KPNA5: variants seen among roughly 807,000 people sequenced by gnomAD.
KPNA5 encodes importin subunit alpha-6.
A neutral mutation model predicts 71.3 loss-of-function variants in KPNA5; 46 were observed. That is an observed-to-expected ratio of 0.65 (90% confidence interval 0.51 to 0.83). KPNA5 has a LOEUF of 0.83. Ranked by LOEUF, KPNA5 falls within the 40% of genes least tolerant of loss-of-function variation. The pLI is 0.00. For missense variants in KPNA5, 547 were observed against 628.3 expected (o/e 0.87, Z 1.38); for synonymous variants, 207 against 201.4 (o/e 1.03, Z -0.24).
chr6:116,713,830 A>C (rs1247506992), intron 7 of KPNA5, among the ~76,000 whole-genome samples: 2 of 152,108 alleles, frequency 1.3e-5, no homozygotes, highest in Non-Finnish European at 2.9e-5. Context: ...CCTATAGTGA[A>C]ATTTTAATTT....
intron 1 of KPNA5, among the ~76,000 whole-genome samples, chr6:116,684,064 C>T (rs902668820): frequency 3.3e-5 from 5 of 151,834 alleles, no homozygotes; most frequent in African/African-American, 9.7e-5. Flanking sequence ...AGGCTTCTAC[C>T]AGCATGCCCA....
Position 116,710,322 on chromosome 6 carries a change from T to C in KPNA5, c.656+5162T>C, listed in dbSNP as rs538824547. ...ATTTTTTCTTTTGTAACTTTTGTTT[T>C]GATGTCTTTGTCTTTGGTATCAGGG... is the stretch of plus-strand genomic sequence containing the variant. On this transcript the variant is annotated intron_variant, in intron 7 of 13. Transcript: ENST00000368564. Among the ~76,000 whole-genome samples the C allele has an allele frequency of 2.0e-5, 3 of 152,304 alleles. No individual in the cohort carries two copies. In the East Asian group the frequency reaches 5.8e-4, roughly 29 times the overall value.
chr6:116,682,289 T>G (rs890483259), intron 1 of KPNA5, among the ~76,000 whole-genome samples: 1 of 152,042 alleles, frequency 6.6e-6, no homozygotes, highest in African/African-American at 2.4e-5. Flanking sequence ...AGAGCGCCAT[T>G]GCACTCCAGC....
rs142690628 is a variant in KPNA5 at position 116,695,391 on chromosome 6, G to T, written c.340+2999G>T. On this transcript the variant is annotated intron_variant, in intron 4 of 13. Transcript: ENST00000368564. The stretch of plus-strand genomic sequence containing the variant: ...GACCAATTTTATATTGAGTTAATAA[G>T]AATTCATTTAAATAAAAATTTAAAT... Among the ~76,000 whole-genome samples, 466 of 151,906 alleles carry T rather than the reference G, an allele frequency of 3.1e-3. 4 individuals are homozygous for T. Among genetic ancestry groups the T allele is most frequent in the African/African-American group, 0.011 (447 of 41,454 alleles).
intron 8 of KPNA5, among the ~76,000 whole-genome samples, chr6:116,718,747 A>C (rs1365652233): frequency 6.6e-6 from 1 of 150,814 alleles, no homozygotes; most frequent in African/African-American, 2.4e-5. Flanking sequence ...TTAATCATTC[A>C]CTTTTTTTGA....
At chr6:116,698,137 A>T (rs889319906) in intron 4 of KPNA5, among the ~76,000 whole-genome samples, 2 of 152,026 alleles carry the variant, frequency 1.3e-5, no homozygotes, top group African/African-American at 4.8e-5. Context: ...CCAGTACCTG[A>T]AATGTCTTTG....
At chr6:116,713,554 C>A (rs1778781201) in intron 7 of KPNA5, among the ~76,000 whole-genome samples, 1 of 152,116 alleles carries the variant, frequency 6.6e-6, no homozygotes, top group African/African-American at 2.4e-5. Context: ...AGAGTTTATT[C>A]AGCTTCTTGG....
chr6:116,728,147 G>A (rs1209102076), intron 12 of KPNA5, among the ~76,000 whole-genome samples: 1 of 151,786 alleles, frequency 6.6e-6, no homozygotes, highest in East Asian at 1.9e-4. Context: ...TCCACTTTGT[G>A]TCATGGATAC....
chr6:116,692,457 TG>T (rs1777840368), intron 4 of KPNA5, 65 bp downstream of exon 4: 6 of 1,030,622 alleles, frequency 5.8e-6, no homozygotes, highest in South Asian at 1.5e-5. Flanking sequence ...TTTATTTTAT[TG>T]TTTTTTTTTA....
chr6:116,696,922 AT>A (rs1241845087), intron 4 of KPNA5, among the ~76,000 whole-genome samples: 1 of 152,014 alleles, frequency 6.6e-6, no homozygotes, highest in Non-Finnish European at 1.5e-5. Context: ...GGAAGAAACT[AT>A]ATTTGGGTTC....
intron 4 of KPNA5, among the ~76,000 whole-genome samples, chr6:116,693,576 TG>T (rs1463927784): frequency 6.6e-6 from 1 of 152,242 alleles, no homozygotes; most frequent in African/African-American, 2.4e-5. Context: ...CACTTGTTGA[TG>T]GGGTTGTTTG....
At chr6:116,712,307 AACAATTTTTG>A (rs1227278476) in intron 7 of KPNA5, among the ~76,000 whole-genome samples, 1 of 152,174 alleles carries the variant, frequency 6.6e-6, no homozygotes, top group Non-Finnish European at 1.5e-5. Flanking sequence ...TGTCTCTGAA[AACAATTTTTG>A]ACTTACAGTC....
chr6:116,683,601 A>G (rs1180035657), intron 1 of KPNA5, among the ~76,000 whole-genome samples: 3 of 151,448 alleles, frequency 2.0e-5, no homozygotes, highest in Non-Finnish European at 2.9e-5. Flanking sequence ...TTTTTTTGAG[A>G]TGGAGTCTCA....
intron 8 of KPNA5, among the ~76,000 whole-genome samples, chr6:116,718,383 C>T (rs758041498): frequency 6.6e-6 from 1 of 151,616 alleles, no homozygotes; most frequent in Non-Finnish European, 1.5e-5. Context: ...CTGCCCCAGC[C>T]TCTTGAGTAG....
chr6:116,693,553 C>G (rs893191234), intron 4 of KPNA5, among the ~76,000 whole-genome samples: 5 of 152,192 alleles, frequency 3.3e-5, no homozygotes, highest in Non-Finnish European at 7.3e-5. Context: ...AGTGTCTGTT[C>G]ATATCCTTCG....
chr6:116,736,048 T>A lies in KPNA5; in HGVS notation c.*3725T>A, dbSNP rs1779659102. On this transcript the variant is annotated 3_prime_UTR_variant, in exon 14 of 14. Transcript: ENST00000368564. ...AAAGTAAGTTGGGGTGGCCATATAA[T>A]GCATATCAAGGTGCATTTCAGAGCA... 1 of 151,870 alleles carries A rather than the reference T, an allele frequency of 6.6e-6. No homozygotes were observed. The highest frequency in any genetic ancestry group is 2.1e-4 in the South Asian group (1 of 4,836). The allele number at this position is 151,870 out of a possible 1,614,324, so 9.4% of individuals were successfully genotyped here.
At chr6:116,711,255 A>ATT (rs56916606) in intron 7 of KPNA5, among the ~76,000 whole-genome samples, 1 of 134,008 alleles carries the variant, frequency 7.5e-6, no homozygotes, top group Non-Finnish European at 1.7e-5. Flanking sequence ...GTTTTTGTTG[A>ATT]TTTTTTTTTT....
intron 9 of KPNA5, among the ~76,000 whole-genome samples, chr6:116,723,414 A>G: frequency 6.6e-6 from 1 of 152,146 alleles, no homozygotes; most frequent in South Asian, 2.1e-4. Context: ...CGAAGTTTCT[A>G]AACACTACTC....
chr6:116,720,261 C>T (rs1779052639), intron 8 of KPNA5, among the ~76,000 whole-genome samples: 1 of 152,272 alleles, frequency 6.6e-6, no homozygotes, highest in Admixed American at 6.5e-5. Flanking sequence ...TGGTAGTTCC[C>T]TCTCCTGGCA....
Sources: gnomAD v4.1 joint callset for allele counts (sites outside exome capture counted in the v4.1 genomes callset) on GRCh38, gnomAD v4.1.1 for gene constraint, MANE v1.5 for transcripts, NCBI Gene and HGNC (gene_info 2026-07-23, HGNC 2026-07-21) for gene names.